MAP2K4: variants seen among roughly 807,000 people sequenced by gnomAD.
The protein encoded by MAP2K4 is dual specificity mitogen-activated protein kinase kinase 4.
Under a neutral mutation model 48.5 loss-of-function variants are expected in MAP2K4, and 4 were observed. The ratio of observed to expected loss-of-function variants is 0.08; its 90% CI spans 0.04 to 0.19. The LOEUF is 0.19. Among genes scored for constraint, MAP2K4 ranks in the 10% least tolerant of loss-of-function variants. The pLI is 1.00. For synonymous variants in MAP2K4, 166 were observed against 173.1 expected (o/e 0.96, Z 0.32); for missense variants, 258 against 493.3 (o/e 0.52, Z 4.52).
At position 12,081,621 on chromosome 17, in the gene MAP2K4, T is replaced by G; in HGVS notation, c.393+91T>G. The G allele has an allele frequency of 7.7e-7, 1 of 1,293,216 alleles. No homozygotes were observed. The highest frequency in any genetic ancestry group is 1.4e-5 in the South Asian group (1 of 70,324). 80.1% of individuals were successfully genotyped at this position (1,293,216 alleles called of 1,614,324 possible). A position where few individuals can be genotyped will look rare whatever the true frequency, so the allele number is the denominator to read the frequency against. On this transcript the variant is annotated intron_variant, in intron 3 of 10. Transcript: ENST00000353533. The surrounding 1 kb of genome is among the most constrained non-coding windows in gnomAD (Gnocchi z 4.2). ...ACCACTGTTGTTGTGTTCCTACTTT[T>G]GTGGTAAATGTGGGTGTTTAAAAAA...
chr17:12,115,520 G>A (rs78423924), intron 7 of MAP2K4: 6,760 of 571,892 alleles, frequency 0.012, 195 homozygotes, highest in East Asian at 0.079. Flanking sequence ...TGGTATAAAG[G>A]AGGTAGAGGT....
At chr17:12,074,128 C>T (rs946626662) in intron 2 of MAP2K4, among the ~76,000 whole-genome samples, 4 of 152,010 alleles carry the variant, frequency 2.6e-5, no homozygotes, top group South Asian at 2.1e-4. Flanking sequence ...CTGTCTTCCA[C>T]GTCTATATTT....
intron 3 of MAP2K4, among the ~76,000 whole-genome samples, chr17:12,088,582 AAT>A (rs974537983): frequency 0.014 from 1,924 of 140,592 alleles, 21 homozygotes; most frequent in East Asian, 0.049. Context: ...TATAATATAT[AAT>A]ATATATTAAA....
At chr17:12,100,207 G>C (rs568982502) in intron 4 of MAP2K4, among the ~76,000 whole-genome samples, 1 of 152,132 alleles carries the variant, frequency 6.6e-6, no homozygotes, top group African/African-American at 2.4e-5. Flanking sequence ...CTTACACCAC[G>C]TAGGTAATAC....
intron 1 of MAP2K4, among the ~76,000 whole-genome samples, chr17:12,027,496 C>T (rs1305921976): frequency 6.6e-6 from 1 of 152,028 alleles, no homozygotes; most frequent in African/African-American, 2.4e-5. Flanking sequence ...CACACACACA[C>T]ACAGACACCA....
chr17:12,030,288 A>G (rs994887658), intron 1 of MAP2K4, among the ~76,000 whole-genome samples: 3 of 152,230 alleles, frequency 2.0e-5, no homozygotes, highest in Non-Finnish European at 4.4e-5. Context: ...CAGTTAATTT[A>G]GACCTTGCTT....
chr17:12,065,787 T>C (rs1318242841), intron 2 of MAP2K4, among the ~76,000 whole-genome samples: 2 of 152,232 alleles, frequency 1.3e-5, no homozygotes, highest in Non-Finnish European at 2.9e-5. Context: ...GAGCAGTATT[T>C]GTGGTTTTCT....
chr17:12,039,942 A>G (rs1316105705), intron 1 of MAP2K4, among the ~76,000 whole-genome samples: 2 of 152,076 alleles, frequency 1.3e-5, no homozygotes, highest in African/African-American at 4.8e-5. Flanking sequence ...CCTGTTATTT[A>G]CCTTTAACTG....
chr17:12,115,086 A>G (rs925807733), intron 7 of MAP2K4, among the ~76,000 whole-genome samples: 5 of 152,344 alleles, frequency 3.3e-5, no homozygotes, highest in South Asian at 2.1e-4. Flanking sequence ...TATTGGAGGT[A>G]TATCATTTTA....
intron 2 of MAP2K4, among the ~76,000 whole-genome samples, chr17:12,058,227 CTTTTTT>C (rs144800120): frequency 3.8e-5 from 5 of 130,080 alleles, no homozygotes; most frequent in Admixed American, 1.5e-4. Flanking sequence ...CTAGACCTTT[CTTTTTT>C]TTTTTTTTTT....
chr17:12,057,996 A>G (rs931874311), intron 2 of MAP2K4, among the ~76,000 whole-genome samples: 2 of 151,274 alleles, frequency 1.3e-5, no homozygotes, highest in African/African-American at 2.4e-5. Context: ...TGTTTCTTGA[A>G]TGGAAGCTTT....
chr17:12,054,826 C>A, intron 1 of MAP2K4, 63 bp from the exon 2 acceptor site: 1 of 976,388 alleles, frequency 1.0e-6, no homozygotes, highest in Non-Finnish European at 1.6e-6. Flanking sequence ...CTTTCTTATG[C>A]CCTCAGAATA....
chr17:12,045,357 ATGTGATGTAAGACC>A lies in MAP2K4; in HGVS notation c.116-9527_116-9514del, dbSNP rs997566773. Reference sequence around the variant, plus strand: ...GGCATTTACCAAGCAGGAAAAATAAATGTGATGTAAGACCTGTGTGCACGTGGTTCCTTGCTAGG... The same window carrying A: ...GGCATTTACCAAGCAGGAAAAATAAATGTGTGCACGTGGTTCCTTGCTAGG... On this transcript the variant is annotated intron_variant, in intron 1 of 10. Transcript: ENST00000353533. Among the ~76,000 whole-genome samples the A allele has an allele frequency of 8.0e-4, 122 of 152,298 alleles. 1 individual carries two copies. Among genetic ancestry groups the A allele is most frequent in the African/African-American group, 2.7e-3 (112 of 41,552 alleles).
Position 12,113,326 on chromosome 17 carries a change from A to G in MAP2K4, c.779A>G (p.Lys260Arg). ...ISGQLVDSIA[K>R]TRDAGCRPYM... ...GGACAGCTTGTGGACTCTATTGCCA[A>G]GACAAGAGATGCTGGCTGTAGGCCA... is the stretch of plus-strand genomic sequence containing the variant. The change falls in exon 7 of 11, where the codon AAG becomes AGG. Residue 260 changes from lysine to arginine, a missense_variant. Physicochemically the swap from Lys to Arg is conservative, Grantham distance 26 (BLOSUM62 2). Around this residue, in one of 3 missense-constraint regions of MAP2K4, gnomAD observed 132 missense variants for 352.8 expected, o/e 0.37. Transcript: ENST00000353533. 6.2e-7 allele frequency: 1 copy of G among 1,613,780 alleles called. No homozygotes were observed. Among genetic ancestry groups the G allele is most frequent in the Non-Finnish European group, 8.5e-7 (1 of 1,179,736 alleles).
intron 3 of MAP2K4, among the ~76,000 whole-genome samples, chr17:12,082,981 G>T (rs1233859197): frequency 6.6e-6 from 1 of 152,188 alleles, no homozygotes; most frequent in Non-Finnish European, 1.5e-5. Flanking sequence ...TTGTCCCTTT[G>T]TGCTACCTGT....
intron 2 of MAP2K4, among the ~76,000 whole-genome samples, chr17:12,064,115 C>T (rs891338624): frequency 7.9e-5 from 12 of 151,186 alleles, no homozygotes; most frequent in Admixed American, 4.0e-4. Context: ...ATATAATAAA[C>T]CAAAACTCAA....
chr17:12,132,404 C>T (rs1012951543), intron 9 of MAP2K4, among the ~76,000 whole-genome samples: 1 of 152,086 alleles, frequency 6.6e-6, no homozygotes, highest in African/African-American at 2.4e-5. Flanking sequence ...GAAGATAGAA[C>T]CATTGCTTCA....
At position 12,066,782 on chromosome 17, in the gene MAP2K4, C is replaced by T. The variant is rs1026429235; in HGVS notation, c.218+11791C>T. On this transcript the variant is annotated intron_variant, in intron 2 of 10. Coordinates refer to ENST00000353533, the MANE Select transcript of MAP2K4 (RefSeq NM_003010.4). ...TCCGCTCACTGCAAGCTCCGCCTTCCGGGTTCACGCCATTCTCCTGCCTCA... is the reference window on the plus strand; with the variant it reads ...TCCGCTCACTGCAAGCTCCGCCTTCTGGGTTCACGCCATTCTCCTGCCTCA... 3.3e-5 allele frequency among the ~76,000 whole-genome samples: 5 copies of T among 152,280 alleles called. No homozygotes were observed. The East Asian group carries it at 7.7e-4, about 24-fold the overall frequency.
rs1474208027 is a variant in MAP2K4 at position 12,081,459 on chromosome 17, A to G, written c.322A>G (p.Ile108Val). ...AGAGGACTTGAAAGACCTTGGAGAA[A>G]TTGGACGAGGAGCTTATGGTTCTGT... The part of the protein sequence containing the change: ...TAEDLKDLGE[I>V]GRGAYGSVNK... The change falls in exon 3 of 11, where the codon ATT becomes GTT. Residue 108 changes from isoleucine (I) to valine (V), a missense_variant. Ile to Val is a conservative substitution (Grantham distance 29). Coordinates refer to ENST00000353533, the MANE Select transcript of MAP2K4 (RefSeq NM_003010.4). The surrounding 1 kb of genome is among the most constrained non-coding windows in gnomAD (Gnocchi z 4.2). 1 of 1,614,232 alleles carries G rather than the reference A, an allele frequency of 6.2e-7. No individual in the cohort carries two copies. Among genetic ancestry groups the G allele is most frequent in the African/African-American group, 1.3e-5 (1 of 75,068 alleles).
Sources: allele counts gnomAD v4.1 joint callset (sites outside exome capture counted in the v4.1 genomes callset), GRCh38; gene constraint gnomAD v4.1.1; regional missense constraint gnomAD v4.1.1; non-coding constraint Gnocchi (gnomAD v3.1); transcripts MANE v1.5; gene names NCBI Gene and HGNC (gene_info 2026-07-23, HGNC 2026-07-21).